The following GLIS1 variants were observed in gnomAD, a reference collection of about 807,000 sequenced individuals.
The protein encoded by GLIS1 is zinc finger protein GLIS1.
In GLIS1, 24 loss-of-function variants were observed where a neutral mutation model predicts 63.8. The observed-to-expected ratio is 0.38, with a 90% CI of 0.27 to 0.53. The LOEUF is 0.53. Ranked by LOEUF, GLIS1 falls within the 20% of genes least tolerant of loss-of-function variation. GLIS1 has a pLI of 0.85. For missense variants in GLIS1, 1,036 were observed against 1,074.1 expected, an observed-to-expected ratio of 0.96 and a Z score of 0.50; for synonymous variants, 450 against 482.5, an observed-to-expected ratio of 0.93 and a Z score of 0.88.
chr1:53,539,968 A>G lies in GLIS1; in HGVS notation c.1321-10016T>C, dbSNP rs1376051791. 6.6e-6 allele frequency among the ~76,000 whole-genome samples: 1 copy of G among 152,120 alleles called. No homozygotes were observed. Among genetic ancestry groups the G allele is most frequent in the African/African-American group, 2.4e-5 (1 of 41,420 alleles). On this transcript the variant is annotated intron_variant, in intron 4 of 10. Transcript: ENST00000628545. This position sits in a 1 kb window ranked among gnomAD's most constrained non-coding sequence, Gnocchi z 5.0. ...CATTGCCGCCTCCACGCCTTTGCCC[A>G]TGCGGTGTCCTCTGCTCAAGGTGCC... is the stretch of plus-strand genomic sequence containing the variant.
At chr1:53,660,708 C>A (rs781226098) in intron 2 of GLIS1, among the ~76,000 whole-genome samples, 14 of 152,182 alleles carry the variant, frequency 9.2e-5, no homozygotes, top group Admixed American at 3.9e-4. Context: ...ACCCTTGAGC[C>A]ACAGCTCAGC....
In GLIS1 at chr1:53,645,496, T is replaced by C. The variant is rs77886305; in HGVS notation, c.260-45218A>G. Among the ~76,000 whole-genome samples, 500 of 152,178 alleles carry C rather than the reference T, an allele frequency of 3.3e-3. 3 individuals are homozygous for C. The highest frequency in any genetic ancestry group is 0.011 in the African/African-American group (476 of 41,526). ...AGGGGCCTAGCAAATGCTTACTGAA[T>C]GGGGAATGACTCCTCCCGCTTACTC... On this transcript the variant is annotated intron_variant, in intron 2 of 10. Coordinates refer to ENST00000628545, the MANE Select transcript of GLIS1 (RefSeq NM_001367484.1).
chr1:53,584,314 C>T (rs1645113204), intron 4 of GLIS1, among the ~76,000 whole-genome samples: 1 of 152,192 alleles, frequency 6.6e-6, no homozygotes, highest in Non-Finnish European at 1.5e-5. Flanking sequence ...AGGTAATTCA[C>T]TTCAAGACCA....
intron 4 of GLIS1, among the ~76,000 whole-genome samples, chr1:53,573,920 CA>C (rs1645008338): frequency 6.6e-6 from 1 of 152,234 alleles, no homozygotes; most frequent in Non-Finnish European, 1.5e-5. Context: ...CTTTTAGAAA[CA>C]GCATAAACAG....
chr1:53,678,811 C>A (rs1646243363), intron 2 of GLIS1, among the ~76,000 whole-genome samples: 2 of 152,212 alleles, frequency 1.3e-5, no homozygotes, highest in Admixed American at 1.3e-4. Context: ...CCTCAGTCTC[C>A]TTAACTGGAA....
At chr1:53,629,141 C>A (rs1377832256) in intron 2 of GLIS1, among the ~76,000 whole-genome samples, 2 of 152,098 alleles carry the variant, frequency 1.3e-5, no homozygotes, top group Non-Finnish European at 2.9e-5. Context: ...CCCAGGCTCT[C>A]CAGCTATCTA....
At chr1:53,631,076 TA>T (rs1235916094) in intron 2 of GLIS1, among the ~76,000 whole-genome samples, 8 of 152,378 alleles carry the variant, frequency 5.3e-5, no homozygotes, top group Admixed American at 1.3e-4. Context: ...CCCAATTTTT[TA>T]TTGCCTTTTA....
rs1646929264 is a variant in GLIS1 at position 53,737,982 on chromosome 1, G to C, written c.83C>G (p.Ala28Gly). The change falls in exon 2 of 11, where the codon GCC becomes GGC. Residue 28 changes from alanine (A) to glycine (G), a missense_variant. Transcript: ENST00000628545. ...PGAPGPDRGP[A>G]SLGAHMAFRV... ...GAAGGCCATGTGCGCGCCGAGGCTG[G>C]CGGGGCCGCGGTCGGGGCCGGGCGC... 3 of 1,230,300 alleles carry C rather than the reference G, an allele frequency of 2.4e-6. No individual in the cohort carries two copies. Among genetic ancestry groups the C allele is most frequent in the Middle Eastern group, 3.1e-4 (1 of 3,226 alleles). 76.2% of individuals were successfully genotyped at this position (1,230,300 alleles called of 1,614,324 possible).
intron 4 of GLIS1, among the ~76,000 whole-genome samples, chr1:53,550,387 G>T (rs1329396260): frequency 6.6e-6 from 1 of 152,210 alleles, no homozygotes; most frequent in African/African-American, 2.4e-5. Flanking sequence ...GGCCTCTGGG[G>T]GAGGCTTGCC....
intron 9 of GLIS1, 94 bp downstream of exon 9, chr1:53,509,755 G>T: frequency 1.3e-6 from 1 of 747,338 alleles, no homozygotes; most frequent in African/African-American, 1.8e-5. Flanking sequence ...CTGAGTACCT[G>T]CCTCCCCCAC....
Position 53,506,483 on chromosome 1 carries a change from G to A in GLIS1, c.*136C>T. The A allele has an allele frequency of 1.1e-6, 1 of 922,036 alleles. No individual in the cohort carries two copies. Among genetic ancestry groups the A allele is most frequent in the Non-Finnish European group, 1.6e-6 (1 of 614,790 alleles). The allele number at this position is 922,036 out of a possible 1,614,324, so 57.1% of individuals were successfully genotyped here. ...CAGCGCTGGGTGGGGTGGCAGCGCT[G>A]GCTCCCCTGGGTCATGGCCTGGCTG... On this transcript the variant is annotated 3_prime_UTR_variant, in exon 11 of 11. Coordinates refer to ENST00000628545, the MANE Select transcript of GLIS1 (RefSeq NM_001367484.1).
intron 6 of GLIS1, 101 bp from the exon 7 acceptor site, chr1:53,520,867 G>A: frequency 7.7e-7 from 1 of 1,302,722 alleles, no homozygotes; most frequent in South Asian, 1.6e-5. Flanking sequence ...CAGCCCCAGG[G>A]CAAGACCCTT....
intron 2 of GLIS1, among the ~76,000 whole-genome samples, chr1:53,630,287 T>C (rs895123371): frequency 6.6e-6 from 1 of 152,190 alleles, no homozygotes; most frequent in African/African-American, 2.4e-5. Context: ...TTTTTTGCCA[T>C]TATAAATAAT....
chr1:53,734,327 G>GTTAGAA, intron 2 of GLIS1: 5 of 372,942 alleles, frequency 1.3e-5, no homozygotes, highest in Non-Finnish European at 1.8e-5. Flanking sequence ...CTATGGCATA[G>GTTAGAA]ATACTAGTTA....
chr1:53,519,285 C>T (rs528375803), intron 7 of GLIS1, among the ~76,000 whole-genome samples: 20 of 152,300 alleles, frequency 1.3e-4, no homozygotes, highest in African/African-American at 4.8e-5. Flanking sequence ...CCTGTGTCCT[C>T]GCCCTTGTGG....
intron 2 of GLIS1, among the ~76,000 whole-genome samples, chr1:53,735,807 C>T (rs1316120593): frequency 1.3e-5 from 2 of 152,128 alleles, no homozygotes; most frequent in Non-Finnish European, 2.9e-5. Context: ...TTCCTCGCAG[C>T]ATTTTTAAGG....
intron 3 of GLIS1, among the ~76,000 whole-genome samples, chr1:53,599,513 C>G (rs1645294142): frequency 6.6e-6 from 1 of 152,256 alleles, no homozygotes; most frequent in African/African-American, 2.4e-5. Flanking sequence ...ACATAAATTC[C>G]TTTTCTTTAT....
intron 2 of GLIS1, among the ~76,000 whole-genome samples, chr1:53,600,739 T>C (rs987368473): frequency 6.6e-6 from 1 of 152,154 alleles, no homozygotes; most frequent in South Asian, 2.1e-4. Flanking sequence ...AGTGCTGACA[T>C]GTGAATGTCA....
At chr1:53,716,241 T>C (rs1360655569) in intron 2 of GLIS1, among the ~76,000 whole-genome samples, 5 of 152,058 alleles carry the variant, frequency 3.3e-5, no homozygotes, top group African/African-American at 7.2e-5. Flanking sequence ...CTACAGGTGG[T>C]TCGATCTTAA....
Sources: allele counts gnomAD v4.1 joint callset (sites outside exome capture counted in the v4.1 genomes callset), GRCh38; gene constraint gnomAD v4.1.1; non-coding constraint Gnocchi (gnomAD v3.1); transcripts MANE v1.5; gene names NCBI Gene and HGNC (gene_info 2026-07-23, HGNC 2026-07-21).